Variants in KIAA0232 observed in about 807,000 individuals in gnomAD.
KIAA0232 encodes KIAA0232, also known as uncharacterized protein KIAA0232.
A neutral mutation model predicts 122.0 loss-of-function variants in KIAA0232; 27 were observed. That is an observed-to-expected ratio of 0.22 (90% confidence interval 0.16 to 0.31). The LOEUF is 0.31. KIAA0232 is among the 10% of genes least tolerant of loss of function. KIAA0232 has a pLI of 1.00. For synonymous variants in KIAA0232, 613 were observed against 587.6 expected, an observed-to-expected ratio of 1.04 and a Z score of -0.63; for missense variants, 1,551 against 1,634.2, an observed-to-expected ratio of 0.95 and a Z score of 0.88.
chr4:6,879,875 C>G (rs372603111), intron 9 of KIAA0232, among the ~76,000 whole-genome samples: 41 of 116,938 alleles, frequency 3.5e-4, no homozygotes, highest in South Asian at 1.2e-3. Flanking sequence ...TCCCAACACA[C>G]AGGTCTGCAG....
At chr4:6,794,898 G>C (rs1717062830) in intron 1 of KIAA0232, among the ~76,000 whole-genome samples, 1 of 152,166 alleles carries the variant, frequency 6.6e-6, no homozygotes. Flanking sequence ...ATGCCAGTCA[G>C]ATATCTCCTT....
chr4:6,855,922 A>G lies in KIAA0232; in HGVS notation c.370-1242A>G. ...TGGTAAGCAGGTGCTTTCTGGTGCA[A>G]CTGTTTGTGGTTGAACAGTGTTTAT... On this transcript the variant is annotated intron_variant, in intron 4 of 9. Transcript: ENST00000307659. The surrounding 1 kb of genome is among the most constrained non-coding windows in gnomAD (Gnocchi z 4.3). 2 of 923,936 alleles carry G rather than the reference A, an allele frequency of 2.2e-6. No homozygotes were observed. The highest frequency in any genetic ancestry group is 2.6e-6 in the Non-Finnish European group (2 of 773,914). 57.2% of individuals were successfully genotyped at this position (923,936 alleles called of 1,614,324 possible).
intron 2 of KIAA0232, among the ~76,000 whole-genome samples, chr4:6,823,975 A>T (rs1718546019): frequency 6.6e-6 from 1 of 152,116 alleles, no homozygotes; most frequent in Non-Finnish European, 1.5e-5. Context: ...TCAGCCTTCC[A>T]ACTTGCTGGT....
chr4:6,852,754 G>C (rs191817817), intron 4 of KIAA0232, among the ~76,000 whole-genome samples: 29 of 152,336 alleles, frequency 1.9e-4, no homozygotes, highest in Admixed American at 5.2e-4. Flanking sequence ...GGTCTGTGAT[G>C]GCAGGTGGAG....
intron 1 of KIAA0232, among the ~76,000 whole-genome samples, chr4:6,803,628 G>A (rs1378122836): frequency 2.6e-5 from 4 of 152,102 alleles, no homozygotes; most frequent in African/African-American, 9.7e-5. Flanking sequence ...ACTAACCTCA[G>A]AGTCAAGTAT....
chr4:6,786,045 C>T (rs1418944509), intron 1 of KIAA0232, among the ~76,000 whole-genome samples: 1 of 152,116 alleles, frequency 6.6e-6, no homozygotes, highest in African/African-American at 2.4e-5. Context: ...AATCATAGTT[C>T]TCTATTTTTC....
intron 8 of KIAA0232, among the ~76,000 whole-genome samples, chr4:6,875,877 G>A (rs1721723378): frequency 6.6e-6 from 1 of 152,174 alleles, no homozygotes; most frequent in Admixed American, 6.5e-5. Context: ...AAGACCAGCA[G>A]TTCTCAGTGC....
At chr4:6,826,349 T>A (rs551570576) in intron 3 of KIAA0232, among the ~76,000 whole-genome samples, 40 of 152,324 alleles carry the variant, frequency 2.6e-4, no homozygotes, top group African/African-American at 9.1e-4. Context: ...TCTGTTATCA[T>A]CTTTCTGGTA....
rs1195638505 is a variant in KIAA0232, at chr4:6,862,490, G to A, written c.2108G>A (p.Cys703Tyr). 1.2e-6 allele frequency: 2 copies of A among 1,613,836 alleles called. No homozygotes were observed. The highest frequency in any genetic ancestry group is 1.7e-5 in the Admixed American group (1 of 59,972). ...AGTGCCTTTGAAGAAAATGAACACT[G>A]TTCTAATCTTTCAACAAGAACTTGT... is the stretch of plus-strand genomic sequence containing the variant. The part of the protein sequence containing the change: ...KNSAFEENEH[C>Y]SNLSTRTCSP... The change falls in exon 7 of 10, where the codon TGT becomes TAT. Residue 703 changes from cysteine to tyrosine, a missense_variant. Coordinates refer to ENST00000307659, the MANE Select transcript of KIAA0232 (RefSeq NM_014743.3).
At chr4:6,788,370 G>A (rs1716730532) in intron 1 of KIAA0232, among the ~76,000 whole-genome samples, 1 of 152,146 alleles carries the variant, frequency 6.6e-6, no homozygotes, top group African/African-American at 2.4e-5. Flanking sequence ...GGCCACTTCC[G>A]TTATTGGCAG....
In KIAA0232 at chr4:6,841,263, T is replaced by A. The variant is rs116025582; in HGVS notation, c.232-804T>A. Reference sequence around the variant, plus strand: ...GGTAAGTTGTCCAGGCTCAAACTGCTCTTCCAGCAGCATTTTTCATACTGG... The same window carrying A: ...GGTAAGTTGTCCAGGCTCAAACTGCACTTCCAGCAGCATTTTTCATACTGG... On this transcript the variant is annotated intron_variant, in intron 3 of 9. Transcript: ENST00000307659. 1.0e-2 allele frequency among the ~76,000 whole-genome samples: 1,516 copies of A among 152,358 alleles called. 24 individuals are homozygous for A. Among genetic ancestry groups the A allele is most frequent in the African/African-American group, 0.032 (1,330 of 41,590 alleles).
chr4:6,856,361 T>G lies in KIAA0232; in HGVS notation c.370-803T>G, dbSNP rs376006071. Among the ~76,000 whole-genome samples the G allele has an allele frequency of 1.7e-4, 26 of 152,362 alleles. No homozygotes were observed. In the South Asian group the frequency reaches 5.2e-3, roughly 30 times the overall value. ...AAGTTTCTGAGAAATACATTGACTT[T>G]TTTTGTCCACTGTAAAAAAATTTTT... On this transcript the variant is annotated intron_variant, in intron 4 of 9. Coordinates refer to ENST00000307659, the MANE Select transcript of KIAA0232 (RefSeq NM_014743.3).
intron 4 of KIAA0232, among the ~76,000 whole-genome samples, chr4:6,848,828 C>A (rs556142062): frequency 6.6e-6 from 1 of 152,214 alleles, no homozygotes; most frequent in Non-Finnish European, 1.5e-5. Context: ...GCTGTGCTCT[C>A]TCTACAGACC....
chr4:6,876,712 TAA>T lies in KIAA0232; in HGVS notation c.3965_3966del (p.Lys1322ArgfsTer5), dbSNP rs879123483. 1.2e-6 allele frequency: 2 copies of T among 1,613,302 alleles called. No individual in the cohort carries two copies. Among genetic ancestry groups the T allele is most frequent in the South Asian group, 1.1e-5 (1 of 91,074 alleles). On this transcript the variant is annotated frameshift_variant, in exon 9 of 10. Coordinates refer to ENST00000307659, the MANE Select transcript of KIAA0232 (RefSeq NM_014743.3). LOFTEE classifies it low-confidence loss of function (END_TRUNC). ...ESGLEEYPDA[K>X]ETPSNEERLL... ...GTGGTTTAGAAGAATATCCAGATGC[TAA>T]AGAGACACCCAGTAATGAAGAGCGC...
intron 2 of KIAA0232, among the ~76,000 whole-genome samples, chr4:6,818,331 C>T (rs114000576): frequency 2.2e-3 from 321 of 146,406 alleles, no homozygotes; most frequent in African/African-American, 7.7e-3. Context: ...ACCCAGGAGG[C>T]GGAGTTTGCA....
At chr4:6,859,004 A>G (rs906647803) in intron 6 of KIAA0232, among the ~76,000 whole-genome samples, 1 of 149,934 alleles carries the variant, frequency 6.7e-6, no homozygotes, top group African/African-American at 2.4e-5. Flanking sequence ...AGACCGAGGC[A>G]GGAGAATTTC....
intron 1 of KIAA0232, among the ~76,000 whole-genome samples, chr4:6,799,803 T>G (rs1489412299): frequency 6.6e-6 from 1 of 152,034 alleles, no homozygotes; most frequent in Non-Finnish European, 1.5e-5. Context: ...CAAGCGATTC[T>G]CCTGCCTCAG....
chr4:6,818,762 T>G (rs139544670), intron 2 of KIAA0232, among the ~76,000 whole-genome samples: 2 of 148,396 alleles, frequency 1.3e-5, no homozygotes, highest in African/African-American at 5.0e-5. Context: ...ACAGCCAGAG[T>G]AGCCGAAGCA....
chr4:6,792,059 C>T (rs1341418541), intron 1 of KIAA0232, among the ~76,000 whole-genome samples: 2 of 152,194 alleles, frequency 1.3e-5, no homozygotes, highest in African/African-American at 2.4e-5. Context: ...TTGCCTTCTG[C>T]CATGATTGTG....
Sources: allele counts gnomAD v4.1 joint callset (sites outside exome capture counted in the v4.1 genomes callset), GRCh38; gene constraint gnomAD v4.1.1; non-coding constraint Gnocchi (gnomAD v3.1); transcripts MANE v1.5; gene names NCBI Gene and HGNC (gene_info 2026-07-23, HGNC 2026-07-21).